DPP6: variants seen among roughly 807,000 people sequenced by gnomAD.
The protein encoded by DPP6 is A-type potassium channel modulatory protein DPP6.
In DPP6, 69 loss-of-function variants were observed where a neutral mutation model predicts 122.6. That is an observed-to-expected ratio of 0.56 (90% CI 0.46 to 0.69). The LOEUF is 0.69. DPP6 is among the 30% of genes least tolerant of loss of function. The pLI, the probability that DPP6 is intolerant of heterozygous loss-of-function variation, is 0.00. For missense variants in DPP6, 928 were observed against 1,116.9 expected, an observed-to-expected ratio of 0.83 and a Z score of 2.41; for synonymous variants, 418 against 433.1, an observed-to-expected ratio of 0.97 and a Z score of 0.43.
At chr7:154,356,238 C>G (rs1811257411) in intron 1 of DPP6, among the ~76,000 whole-genome samples, 1 of 152,194 alleles carries the variant, frequency 6.6e-6, no homozygotes. Flanking sequence ...TTAGTCCTTA[C>G]TTAAAACTTG....
At chr7:154,841,783 G>A (rs976108295) in intron 16 of DPP6, among the ~76,000 whole-genome samples, 2 of 151,666 alleles carry the variant, frequency 1.3e-5, no homozygotes, top group Non-Finnish European at 1.5e-5. Context: ...CGCGCTCCTC[G>A]GACTGCTGTA....
the DPP6 span, among the ~76,000 whole-genome samples, chr7:153,795,631 T>C: frequency 6.6e-6 from 1 of 152,166 alleles, no homozygotes; most frequent in Non-Finnish European, 1.5e-5. Context: ...ATTTCCTTTC[T>C]TCTACTTCCT....
chr7:153,948,230 C>A (rs1444590518), intron 1 of DPP6, among the ~76,000 whole-genome samples: 3 of 152,034 alleles, frequency 2.0e-5, no homozygotes, highest in South Asian at 4.1e-4. Context: ...ATACTGTGGC[C>A]ATATTGCTTT....
intron 7 of DPP6, among the ~76,000 whole-genome samples, chr7:154,669,736 A>G (rs1294134568): frequency 1.3e-5 from 2 of 152,232 alleles, no homozygotes; most frequent in Non-Finnish European, 2.9e-5. Flanking sequence ...CAGATGAATC[A>G]TGAGCTCAAA....
intron 8 of DPP6, among the ~76,000 whole-genome samples, chr7:154,766,114 T>A (rs1253408445): frequency 6.6e-6 from 1 of 152,214 alleles, no homozygotes; most frequent in Non-Finnish European, 1.5e-5. Context: ...CAAGGAGCGA[T>A]GTGTTCAAGG....
chr7:154,141,231 G>T (rs909298112), intron 1 of DPP6, among the ~76,000 whole-genome samples: 1 of 152,218 alleles, frequency 6.6e-6, no homozygotes, highest in Non-Finnish European at 1.5e-5. Context: ...CCATATTGAA[G>T]AAGTCAGCTT....
At chr7:153,849,780 TG>T in the DPP6 span, among the ~76,000 whole-genome samples, 1 of 152,320 alleles carries the variant, frequency 6.6e-6, no homozygotes, top group South Asian at 2.1e-4. Flanking sequence ...TATTCCACTT[TG>T]TTTCATATAC....
At chr7:154,383,434 T>G (rs1813803096) in intron 1 of DPP6, among the ~76,000 whole-genome samples, 4 of 152,252 alleles carry the variant, frequency 2.6e-5, no homozygotes, top group African/African-American at 2.4e-5. Context: ...AAACATTGTT[T>G]AATATGAGAA....
chr7:154,148,098 G>A (rs3115160), intron 1 of DPP6, among the ~76,000 whole-genome samples: 10,113 of 138,116 alleles, frequency 0.073, 2,031 homozygotes, highest in African/African-American at 0.32. Context: ...TCCTATGGCC[G>A]CTCATGAAAT....
At chr7:154,168,560 T>C (rs1797374192) in intron 1 of DPP6, among the ~76,000 whole-genome samples, 1 of 152,224 alleles carries the variant, frequency 6.6e-6, no homozygotes, top group African/African-American at 2.4e-5. Flanking sequence ...GCTGATATGT[T>C]ACCAGCACAC....
chr7:154,813,112 G>A (rs1042536050), intron 16 of DPP6, among the ~76,000 whole-genome samples: 3 of 148,374 alleles, frequency 2.0e-5, no homozygotes, highest in Non-Finnish European at 3.0e-5. Flanking sequence ...ACAGAGTCTC[G>A]CTCTGTTGCC....
At chr7:153,764,187 A>G in the DPP6 span, among the ~76,000 whole-genome samples, 1 of 152,176 alleles carries the variant, frequency 6.6e-6, no homozygotes, top group Non-Finnish European at 1.5e-5. Context: ...TTCAGGATTC[A>G]TTCAGAGAGA....
chr7:154,853,763 TTC>T lies in DPP6; in HGVS notation c.1667-13_1667-12del. The T allele has an allele frequency of 1.9e-6, 3 of 1,611,702 alleles. No homozygotes were observed. The highest frequency in any genetic ancestry group is 2.5e-6 in the Non-Finnish European group (3 of 1,179,188). ...TTCGTTTTTGTTTTCTTCCTGGCTA[TTC>T]TCTACCCAACACAGGTCCTGGTGTT... On this transcript the variant is annotated splice_polypyrimidine_tract_variant and intron_variant, in intron 16 of 25. Coordinates refer to ENST00000377770, the MANE Select transcript of DPP6 (RefSeq NM_130797.4).
chr7:153,898,266 C>CTTTTT (rs1440390431), intron 1 of DPP6, among the ~76,000 whole-genome samples: 1 of 151,974 alleles, frequency 6.6e-6, no homozygotes, highest in African/African-American at 2.4e-5. Context: ...CAGCCTGGGC[C>CTTTTT]ACACAACAAG....
At chr7:154,237,432 G>C (rs747490239) in intron 1 of DPP6, among the ~76,000 whole-genome samples, 1 of 152,194 alleles carries the variant, frequency 6.6e-6, no homozygotes, top group East Asian at 1.9e-4. Context: ...CTGACACCCA[G>C]TGTTAGGTTT....
intron 1 of DPP6, among the ~76,000 whole-genome samples, chr7:154,255,290 A>T (rs1802587289): frequency 6.6e-6 from 1 of 152,208 alleles, no homozygotes; most frequent in Admixed American, 6.5e-5. Flanking sequence ...CCACTTTCCT[A>T]GGGGCAGTGT....
At chr7:154,273,084 A>T (rs776595310) in intron 1 of DPP6, among the ~76,000 whole-genome samples, 9 of 152,196 alleles carry the variant, frequency 5.9e-5, no homozygotes, top group Non-Finnish European at 1.3e-4. Context: ...AGTGTAGAAG[A>T]ATTTAATGGA....
At chr7:153,968,568 G>A (rs1347002195) in intron 1 of DPP6, 2 of 151,650 alleles carry the variant, frequency 1.3e-5, no homozygotes, top group African/African-American at 2.4e-5. Flanking sequence ...TATCACCTCA[G>A]AAGAGAAACT....
intron 1 of DPP6, among the ~76,000 whole-genome samples, chr7:154,408,173 G>A (rs565545841): frequency 2.0e-5 from 3 of 152,094 alleles, no homozygotes; most frequent in Admixed American, 6.6e-5. Context: ...ATGTTTCAAG[G>A]TAGAAAAATG....
Sources: allele counts gnomAD v4.1 joint callset (sites outside exome capture counted in the v4.1 genomes callset), GRCh38; gene constraint gnomAD v4.1.1; transcripts MANE v1.5; gene names NCBI Gene and HGNC (gene_info 2026-07-23, HGNC 2026-07-21).